ITGB3BP: variants seen among roughly 807,000 people sequenced by gnomAD.
The protein encoded by ITGB3BP is integrin subunit beta 3 binding protein, also known as centromere protein R.
In ITGB3BP, 27 loss-of-function variants were observed where a neutral mutation model predicts 29.1. The observed-to-expected ratio is 0.93, with a 90% CI of 0.68 to 1.28. The LOEUF (loss-of-function observed/expected upper bound fraction) is 1.28. Ranked by LOEUF, ITGB3BP falls within the 50% of genes most tolerant of loss-of-function variation. The probability of loss-of-function intolerance (pLI) is 0.00; values close to 1 mark genes in which losing one functional copy is unlikely to be tolerated. For synonymous variants in ITGB3BP, 61 were observed against 61.4 expected (o/e 0.99, Z 0.03); for missense variants, 192 against 200.2 (o/e 0.96, Z 0.25).
intron 4 of ITGB3BP, among the ~76,000 whole-genome samples, chr1:63,462,168 T>C (rs1451748674): frequency 6.6e-6 from 1 of 152,242 alleles, no homozygotes; most frequent in Non-Finnish European, 1.5e-5. Flanking sequence ...AAATGAATTG[T>C]AGTTTCTAGT....
chr1:63,493,088 A>ACATGCGCGCG (rs372348238), intron 2 of ITGB3BP, among the ~76,000 whole-genome samples: 2 of 148,726 alleles, frequency 1.3e-5, no homozygotes, highest in Non-Finnish European at 3.0e-5. Flanking sequence ...ACACACACAC[A>ACATGCGCGCG]CGCGCGCGCG....
upstream of ITGB3BP, chr1:63,523,374 A>C: frequency 1.7e-6 from 1 of 590,668 alleles, no homozygotes; most frequent in South Asian, 2.0e-5. Context: ...GGTGTAACAG[A>C]GCACCTTCTC....
In ITGB3BP at chr1:63,454,876, G is replaced by GA; in HGVS notation, c.333+13dup. ...TCCTTTTCAAACAGGGTAGAAGTATGAAAAAATGCAAACCTGTATACTACT... is the reference window on the plus strand; with the variant it reads ...TCCTTTTCAAACAGGGTAGAAGTATGAAAAAAATGCAAACCTGTATACTACT... On this transcript the variant is annotated intron_variant, in intron 5 of 8. Transcript: ENST00000271002. This position sits in a 1 kb window ranked among gnomAD's most constrained non-coding sequence, Gnocchi z 4.1. The GA allele has an allele frequency of 2.3e-6, 3 of 1,308,692 alleles. No individual in the cohort carries two copies. Among genetic ancestry groups the GA allele is most frequent in the South Asian group, 1.2e-5 (1 of 82,678 alleles). The allele number at this position is 1,308,692 out of a possible 1,614,324, so 81.1% of individuals were successfully genotyped here.
chr1:63,528,177 A>T (rs189908489), upstream of ITGB3BP, among the ~76,000 whole-genome samples: 18 of 152,322 alleles, frequency 1.2e-4, no homozygotes, highest in East Asian at 3.5e-3. Context: ...GCAACGTAAG[A>T]GTTCATCAAT....
chr1:63,528,052 A>G (rs985972740), upstream of ITGB3BP: 3 of 152,290 alleles, frequency 2.0e-5, no homozygotes, highest in African/African-American at 7.2e-5. Flanking sequence ...TACAGCTACC[A>G]TAGGATCTAG....
At chr1:63,503,690 T>A (rs907111170) in intron 2 of ITGB3BP, among the ~76,000 whole-genome samples, 3 of 152,224 alleles carry the variant, frequency 2.0e-5, no homozygotes, top group African/African-American at 7.2e-5. Flanking sequence ...AATTTTTTTA[T>A]AAGGTGTAAG....
chr1:63,501,426 A>T (rs1645927036), intron 2 of ITGB3BP, among the ~76,000 whole-genome samples: 1 of 152,202 alleles, frequency 6.6e-6, no homozygotes, highest in Non-Finnish European at 1.5e-5. Context: ...ACACAGACAG[A>T]AAGTAGATTA....
intron 4 of ITGB3BP, among the ~76,000 whole-genome samples, chr1:63,474,656 G>C (rs1389018228): frequency 2.4e-4 from 36 of 152,186 alleles, no homozygotes; most frequent in East Asian, 2.3e-3. Context: ...TGGATTAAGG[G>C]TGCGAGATGT....
intron 4 of ITGB3BP, among the ~76,000 whole-genome samples, chr1:63,476,014 A>G (rs1645332619): frequency 6.8e-6 from 1 of 147,466 alleles, no homozygotes; most frequent in Non-Finnish European, 1.5e-5. Flanking sequence ...AAAAAAAAAA[A>G]GAAACGTATC....
At chr1:63,464,923 G>C (rs1433645781) in intron 4 of ITGB3BP, among the ~76,000 whole-genome samples, 1 of 151,854 alleles carries the variant, frequency 6.6e-6, no homozygotes, top group Non-Finnish European at 1.5e-5. Flanking sequence ...GACAATAAAA[G>C]GTTAAAAAAA....
At chr1:63,499,323 A>G (rs374464943) in intron 2 of ITGB3BP, among the ~76,000 whole-genome samples, 4 of 151,838 alleles carry the variant, frequency 2.6e-5, no homozygotes, top group Admixed American at 6.6e-5. Context: ...CTAATTTTGT[A>G]TTTTTTAGTA....
intron 4 of ITGB3BP, among the ~76,000 whole-genome samples, chr1:63,470,309 C>A (rs1015254297): frequency 6.6e-6 from 1 of 152,174 alleles, no homozygotes; most frequent in African/African-American, 2.4e-5. Flanking sequence ...CGGCACAAGA[C>A]TTCATTTACA....
At chr1:63,506,423 G>C (rs900623625) in intron 2 of ITGB3BP, among the ~76,000 whole-genome samples, 1 of 152,108 alleles carries the variant, frequency 6.6e-6, no homozygotes, top group South Asian at 2.1e-4. Context: ...AAACCATCAG[G>C]TCTAGTGAGC....
chr1:63,519,307 T>C (rs1177292767), intron 1 of ITGB3BP, among the ~76,000 whole-genome samples: 2 of 152,106 alleles, frequency 1.3e-5, no homozygotes, highest in East Asian at 1.9e-4. Context: ...AAATAAAGTG[T>C]TGAACATCTC....
intron 2 of ITGB3BP, among the ~76,000 whole-genome samples, chr1:63,493,832 G>C (rs1645721210): frequency 6.6e-6 from 1 of 151,970 alleles, no homozygotes; most frequent in Non-Finnish European, 1.5e-5. Flanking sequence ...ATTCTTGCAG[G>C]ATAAAATATG....
intron 2 of ITGB3BP, among the ~76,000 whole-genome samples, chr1:63,502,613 A>G (rs1339261808): frequency 6.7e-6 from 1 of 150,370 alleles, no homozygotes; most frequent in Non-Finnish European, 1.5e-5. Context: ...TGCTGCAACC[A>G]TTAACTCGTC....
intron 4 of ITGB3BP, chr1:63,457,124 A>G (rs185754885): frequency 1.3e-5 from 2 of 152,204 alleles, no homozygotes; most frequent in East Asian, 3.9e-4. Flanking sequence ...TTCTCCCTAG[A>G]CGAAATCACC....
At chr1:63,498,370 C>A (rs1645841750) in intron 2 of ITGB3BP, among the ~76,000 whole-genome samples, 1 of 152,104 alleles carries the variant, frequency 6.6e-6, no homozygotes, top group African/African-American at 2.4e-5. Flanking sequence ...AAAGAATGTT[C>A]TCTGGTCACA....
chr1:63,497,621 C>T (rs1398530555), intron 2 of ITGB3BP, among the ~76,000 whole-genome samples: 1 of 152,032 alleles, frequency 6.6e-6, no homozygotes, highest in East Asian at 1.9e-4. Context: ...TATATAGGTG[C>T]AAAAAATGTA....
Sources: gnomAD v4.1 joint callset for allele counts (sites outside exome capture counted in the v4.1 genomes callset) on GRCh38, gnomAD v4.1.1 for gene constraint, Gnocchi (gnomAD v3.1) non-coding constraint, MANE v1.5 for transcripts, NCBI Gene and HGNC (gene_info 2026-07-23, HGNC 2026-07-21) for gene names.